CCDC14: variants seen among roughly 807,000 people sequenced by gnomAD.
CCDC14 encodes the protein coiled-coil domain-containing protein 14.
Under a neutral mutation model 81.4 loss-of-function variants are expected in CCDC14, and 71 were observed. The observed-to-expected ratio is 0.87, with a 90% CI of 0.72 to 1.06. CCDC14 has a LOEUF of 1.06. Ranked by LOEUF, CCDC14 falls within the 50% of genes least tolerant of loss-of-function variation. The pLI, the probability that CCDC14 is intolerant of heterozygous loss-of-function variation, is 0.00. For synonymous variants in CCDC14, 332 were observed against 364.8 expected, an observed-to-expected ratio of 0.91 and a Z score of 1.03; for missense variants, 1,046 against 1,047.3, an observed-to-expected ratio of 1.00 and a Z score of 0.02.
chr3:123,959,214 A>G (rs1262234848), intron 1 of CCDC14, among the ~76,000 whole-genome samples: 1 of 152,216 alleles, frequency 6.6e-6, no homozygotes, highest in Admixed American at 6.5e-5. Flanking sequence ...AGGAATCTCC[A>G]TATTGTTTTC....
At chr3:123,889,873 A>G in the CCDC14 span, among the ~76,000 whole-genome samples, 1 of 152,166 alleles carries the variant, frequency 6.6e-6, no homozygotes, top group Non-Finnish European at 1.5e-5. Context: ...AGGCATTTCC[A>G]TACATCCTCT....
intron 12 of CCDC14, among the ~76,000 whole-genome samples, chr3:123,917,127 G>A (rs1292598754): frequency 6.6e-6 from 1 of 151,680 alleles, no homozygotes; most frequent in African/African-American, 2.4e-5. Flanking sequence ...ACAGGCGTGA[G>A]CCACCACGCC....
In CCDC14 at chr3:123,915,411, C is replaced by T; in HGVS notation, c.2086G>A (p.Ala696Thr). 1 of 1,613,838 alleles carries T rather than the reference C, an allele frequency of 6.2e-7. No homozygotes were observed. The highest frequency in any genetic ancestry group is 1.1e-5 in the South Asian group (1 of 91,036). Residue 696 changes from alanine (A) to threonine (T), a missense_variant, in exon 13 of 13, where the codon GCA (alanine) becomes ACA (threonine). Physicochemically the swap from Ala to Thr is moderately conservative, Grantham distance 58. Coordinates refer to ENST00000409697, the MANE Select transcript of CCDC14 (RefSeq NM_001366335.1). ...QNSNTRGMEE[A>T]SAPGIISALS... ...GCAGAAATAATTCCAGGTGCAGATG[C>T]TTCCTCCATGCCCCTAGTGTTACTA...
chr3:123,931,480 C>T lies in CCDC14; in HGVS notation c.1473G>A (p.Glu491=), dbSNP rs780934236. 2 of 1,575,050 alleles carry T rather than the reference C, an allele frequency of 1.3e-6. No individual in the cohort carries two copies. The highest frequency in any genetic ancestry group is 1.7e-6 in the Non-Finnish European group (2 of 1,158,456). Residue 491 remains glutamate (E), a synonymous_variant, in exon 11 of 13, where the codon GAG becomes GAA. Transcript: ENST00000409697. The part of the protein sequence containing the change: ...SLNMSLQNQL[E]ESLKSQELLQ... ...GTAATTCCTGGCTCTTTAGTGACTC[C>T]TCCAATTGATTTTGCAGTGACATAT...
chr3:123,956,032 TAAA>T lies in CCDC14; in HGVS notation c.229+11_229+13del. The T allele has an allele frequency of 4.2e-6, 5 of 1,190,868 alleles. No homozygotes were observed. Among genetic ancestry groups the T allele is most frequent in the Admixed American group, 2.5e-5 (1 of 39,716 alleles). 73.8% of individuals were successfully genotyped at this position (1,190,868 alleles called of 1,614,324 possible). A position where few individuals can be genotyped will look rare whatever the true frequency, so the allele number is the denominator to read the frequency against. On this transcript the variant is annotated intron_variant, in intron 4 of 12. Coordinates refer to ENST00000409697, the MANE Select transcript of CCDC14 (RefSeq NM_001366335.1). ...TGAGATAAGGTGATCAGCAAAGAAT[TAAA>T]AAAAAAAAACCTGAATCTTCATTTC... is the stretch of plus-strand genomic sequence containing the variant.
chr3:123,959,927 T>C (rs543390692), intron 1 of CCDC14, among the ~76,000 whole-genome samples: 1 of 152,328 alleles, frequency 6.6e-6, no homozygotes, highest in African/African-American at 2.4e-5. Context: ...AATAATGGTC[T>C]TGGTTTGCTT....
intron 5 of CCDC14, among the ~76,000 whole-genome samples, chr3:123,950,194 A>G (rs888410808): frequency 6.6e-6 from 1 of 152,244 alleles, no homozygotes; most frequent in Non-Finnish European, 1.5e-5. Context: ...TTATCAGTAT[A>G]CAAAATAAAT....
chr3:123,888,234 G>A, the CCDC14 span, among the ~76,000 whole-genome samples: 1 of 152,074 alleles, frequency 6.6e-6, no homozygotes, highest in African/African-American at 2.4e-5. Flanking sequence ...TCTTTCTGGA[G>A]GTTATTATGA....
Position 123,943,807 on chromosome 3 carries a change from G to A in CCDC14, c.1343+1042C>T, listed in dbSNP as rs1243988859. On this transcript the variant is annotated intron_variant, in intron 9 of 12. Coordinates refer to ENST00000409697, the MANE Select transcript of CCDC14 (RefSeq NM_001366335.1). The stretch of plus-strand genomic sequence containing the variant: ...CTTTCTAGAGGGTGGTGCACCCACC[G>A]AGGGCATAGAAGCTCCATGCCCTTT... Among the ~76,000 whole-genome samples, 7 of 152,114 alleles carry A rather than the reference G, an allele frequency of 4.6e-5. No homozygotes were observed. In the South Asian group the frequency reaches 6.2e-4, roughly 14 times the overall value.
At chr3:123,941,574 A>G (rs1263250009) in intron 9 of CCDC14, among the ~76,000 whole-genome samples, 1 of 152,070 alleles carries the variant, frequency 6.6e-6, no homozygotes, top group African/African-American at 2.4e-5. Flanking sequence ...TTCCTACACT[A>G]CTGCCAGAAA....
In CCDC14 at chr3:123,917,396, G is replaced by A. The variant is rs148277261; in HGVS notation, c.1779-1678C>T. On this transcript the variant is annotated intron_variant, in intron 12 of 12. Coordinates refer to ENST00000409697, the MANE Select transcript of CCDC14 (RefSeq NM_001366335.1). ...TGTGATCCCAGCTGCTCGGCAGGCTGAGGCATGAGAATTGCTTGAACCCGG... is the reference window on the plus strand; with the variant it reads ...TGTGATCCCAGCTGCTCGGCAGGCTAAGGCATGAGAATTGCTTGAACCCGG... 6.7e-3 allele frequency among the ~76,000 whole-genome samples: 1,009 copies of A among 151,580 alleles called. 7 individuals carry two copies. Among genetic ancestry groups the A allele is most frequent in the Non-Finnish European group, 9.2e-3 (627 of 67,868 alleles).
intron 5 of CCDC14, among the ~76,000 whole-genome samples, chr3:123,905,690 T>C (rs150841335): frequency 8.1e-4 from 123 of 152,298 alleles, no homozygotes; most frequent in African/African-American, 2.8e-3. Flanking sequence ...AGGGTCTCAG[T>C]TGGATTCTGG....
intron 9 of CCDC14, among the ~76,000 whole-genome samples, chr3:123,936,979 T>C (rs937691268): frequency 6.6e-6 from 1 of 152,136 alleles, no homozygotes; most frequent in Admixed American, 6.6e-5. Context: ...GAATATATAC[T>C]CTTTTAGCCT....
At chr3:123,949,208 AG>A in intron 5 of CCDC14, 76 bp from the exon 6 acceptor site, 2 of 882,692 alleles carry the variant, frequency 2.3e-6, no homozygotes, top group Non-Finnish European at 1.8e-6. Context: ...AAGAGAAGAA[AG>A]GGCTCTCAGA....
At chr3:123,891,941 C>T in the CCDC14 span, among the ~76,000 whole-genome samples, 1 of 152,178 alleles carries the variant, frequency 6.6e-6, no homozygotes, top group East Asian at 1.9e-4. Flanking sequence ...GCTGGGGAGG[C>T]CTCACAATCA....
Position 123,933,758 on chromosome 3 carries a change from A to G in CCDC14, c.1344-3T>C. On this transcript the variant is annotated splice_region_variant and splice_polypyrimidine_tract_variant and intron_variant, in intron 9 of 12. Transcript: ENST00000409697. ...GCTGGTTCAAAATTCTCAACTGCCTAAAGAAATAATGAAGAACTATGAATG... is the reference window on the plus strand; with the variant it reads ...GCTGGTTCAAAATTCTCAACTGCCTGAAGAAATAATGAAGAACTATGAATG... 1.3e-6 allele frequency: 2 copies of G among 1,557,544 alleles called. No individual in the cohort carries two copies. The highest frequency in any genetic ancestry group is 1.7e-6 in the Non-Finnish European group (2 of 1,147,802).
At chr3:123,927,249 T>TAAAAA (rs34679177) in intron 12 of CCDC14, among the ~76,000 whole-genome samples, 1 of 124,308 alleles carries the variant, frequency 8.0e-6, no homozygotes. Flanking sequence ...CTACTAAAAG[T>TAAAAA]AAAAAAAAAA....
At chr3:123,908,401 T>A (rs2034368264) in intron 5 of CCDC14, among the ~76,000 whole-genome samples, 1 of 152,162 alleles carries the variant, frequency 6.6e-6, no homozygotes, top group Admixed American at 6.5e-5. Context: ...CAGACAGCAA[T>A]AAATTGTAAA....
exon 6 of CCDC14, chr3:123,897,530 G>C (rs1335105345): frequency 1.1e-6 from 1 of 891,856 alleles, no homozygotes; most frequent in South Asian, 1.7e-5. Flanking sequence ...GTTCAGAGCA[G>C]TTCTGCTTTT....
Sources: allele counts gnomAD v4.1 joint callset (sites outside exome capture counted in the v4.1 genomes callset), GRCh38; gene constraint gnomAD v4.1.1; transcripts MANE v1.5; gene names NCBI Gene and HGNC (gene_info 2026-07-23, HGNC 2026-07-21).